Variants in ACYP2 observed in about 807,000 individuals in gnomAD.
ACYP2 encodes the protein acylphosphatase 2.
A neutral mutation model predicts 11.2 loss-of-function variants in ACYP2; 12 were observed. That is an observed-to-expected ratio of 1.08 (90% CI 0.69 to 1.74). ACYP2 has a LOEUF of 1.74. Ranked by LOEUF, ACYP2 falls within the 40% of genes most tolerant of loss-of-function variation. The probability of loss-of-function intolerance (pLI) is 0.00; values close to 1 mark genes in which losing one functional copy is unlikely to be tolerated. For missense variants in ACYP2, 134 were observed against 101.9 expected (o/e 1.31, Z -1.35); for synonymous variants, 43 against 32.2 (o/e 1.33, Z -1.13).
intron 2 of ACYP2, among the ~76,000 whole-genome samples, chr2:54,005,780 TCTC>T (rs1673034693): frequency 6.6e-6 from 1 of 152,232 alleles, no homozygotes; most frequent in East Asian, 1.9e-4. Flanking sequence ...ACCTTGTCCT[TCTC>T]CTTCAATATT....
At chr2:54,297,370 T>C (rs1689562491) in intron 6 of ACYP2, among the ~76,000 whole-genome samples, 1 of 152,114 alleles carries the variant, frequency 6.6e-6, no homozygotes, top group Non-Finnish European at 1.5e-5. Context: ...TGGTGGCTCA[T>C]TCCTGTAGTC....
intron 6 of ACYP2, among the ~76,000 whole-genome samples, chr2:54,196,151 A>G (rs1009245295): frequency 2.0e-5 from 3 of 152,122 alleles, no homozygotes; most frequent in African/African-American, 7.2e-5. Flanking sequence ...AAAGGGCTGA[A>G]TGTGTATTAA....
In ACYP2 at chr2:54,236,128, G is replaced by T. The variant is rs939017029; in HGVS notation, c.405-68560G>T. ...TTTGTTTTTTGTTTTTTGAGACAGGGTCTCACCATGTTGCCCAGGCTGGTC... is the reference window on the plus strand; with the variant it reads ...TTTGTTTTTTGTTTTTTGAGACAGGTTCTCACCATGTTGCCCAGGCTGGTC... On this transcript the variant is annotated intron_variant, in intron 6 of 6. Transcript: ENST00000607452. Among the ~76,000 whole-genome samples the T allele has an allele frequency of 2.6e-5, 4 of 151,738 alleles. No homozygotes were observed. The South Asian group carries it at 8.3e-4, about 32-fold the overall frequency.
Position 54,097,889 on chromosome 2 carries a change from C to CA in ACYP2, c.278-37564_278-37563insA, listed in dbSNP as rs565670528. On this transcript the variant is annotated intron_variant, in intron 4 of 6. Transcript: ENST00000607452. ...TTCTCTTTCTCTCTCTCTCTCTCCC[C>CA]TCCCTCCCTCCTTCCTTCCTTTCTT... 1.7e-3 allele frequency among the ~76,000 whole-genome samples: 215 copies of CA among 128,920 alleles called. 3 individuals carry two copies. Among genetic ancestry groups the CA allele is most frequent in the African/African-American group, 5.2e-3 (195 of 37,814 alleles). 84.6% of individuals were successfully genotyped at this position (128,920 alleles called of 152,430 possible).
chr2:54,028,104 A>G (rs1352311071), intron 2 of ACYP2, among the ~76,000 whole-genome samples: 1 of 151,998 alleles, frequency 6.6e-6, no homozygotes, highest in Non-Finnish European at 1.5e-5. Context: ...TGGCCTCCCA[A>G]AGTGCTGGGA....
At chr2:54,304,338 T>C (rs555489368) in intron 6 of ACYP2, among the ~76,000 whole-genome samples, 1 of 152,228 alleles carries the variant, frequency 6.6e-6, no homozygotes, top group South Asian at 2.1e-4. Flanking sequence ...GAATTGTTTT[T>C]ATTACTAAGC....
chr2:54,217,686 A>G (rs1685615828), intron 6 of ACYP2, among the ~76,000 whole-genome samples: 1 of 152,116 alleles, frequency 6.6e-6, no homozygotes, highest in Non-Finnish European at 1.5e-5. Context: ...GAGTTTCACT[A>G]TTAATTATTT....
chr2:54,179,356 G>T (rs1683608137), intron 6 of ACYP2, among the ~76,000 whole-genome samples: 1 of 152,156 alleles, frequency 6.6e-6, no homozygotes, highest in Non-Finnish European at 1.5e-5. Flanking sequence ...TCTACTTGGA[G>T]ATAGCATCAG....
At chr2:54,123,199 C>A (rs1211431449) in intron 4 of ACYP2, 2 of 395,900 alleles carry the variant, frequency 5.1e-6, no homozygotes, top group Non-Finnish European at 8.9e-6. Flanking sequence ...GATACGCCTC[C>A]TCACAGAAGG....
chr2:54,301,698 T>A (rs912100611), intron 6 of ACYP2, among the ~76,000 whole-genome samples: 7 of 152,114 alleles, frequency 4.6e-5, no homozygotes, highest in African/African-American at 1.4e-4. Flanking sequence ...TACATACATA[T>A]ATTTCACACT....
At chr2:54,299,094 T>G (rs1016965077) in intron 6 of ACYP2, among the ~76,000 whole-genome samples, 2 of 152,142 alleles carry the variant, frequency 1.3e-5, no homozygotes, top group African/African-American at 2.4e-5. Flanking sequence ...AATGATGTAG[T>G]GCTGAAGACA....
intron 6 of ACYP2, among the ~76,000 whole-genome samples, chr2:54,227,597 C>G (rs188632829): frequency 1.2e-3 from 184 of 151,556 alleles, no homozygotes; most frequent in Middle Eastern, 0.01. Flanking sequence ...GCACTCCACC[C>G]TGGCAACAGA....
chr2:54,041,067 TTTTTC>T (rs994501203), intron 2 of ACYP2, among the ~76,000 whole-genome samples: 8 of 151,852 alleles, frequency 5.3e-5, no homozygotes, highest in Admixed American at 4.6e-4. Flanking sequence ...TTCTTTTCTT[TTTTTC>T]TTTTCTTTTC....
chr2:54,094,428 C>A (rs1305535968), intron 4 of ACYP2, among the ~76,000 whole-genome samples: 3 of 151,882 alleles, frequency 2.0e-5, no homozygotes, highest in African/African-American at 7.3e-5. Flanking sequence ...CGGGGTTTCA[C>A]ATGTTTGCCA....
intron 4 of ACYP2, among the ~76,000 whole-genome samples, chr2:54,096,308 A>G (rs1348120983): frequency 1.5e-5 from 2 of 133,680 alleles, no homozygotes; most frequent in Non-Finnish European, 3.2e-5. Context: ...CACTTCCTAG[A>G]TGGGATGGCG....
chr2:54,206,892 G>A (rs1007636617), intron 6 of ACYP2, among the ~76,000 whole-genome samples: 1 of 152,084 alleles, frequency 6.6e-6, no homozygotes, highest in Non-Finnish European at 1.5e-5. Context: ...TTTGATGGTA[G>A]CCAATGTTTT....
At position 54,135,112 on chromosome 2, in the gene ACYP2, C is replaced by G. The variant is rs539127783; in HGVS notation, c.278-341C>G. On this transcript the variant is annotated intron_variant, in intron 4 of 6. Coordinates refer to ENST00000607452, the MANE Select transcript of ACYP2 (RefSeq NM_001320586.2). ...TCATCATTAAGTAAAATAAGGGTTA[C>G]TCGAACACAAGCACTGCAGTACCAC... Among the ~76,000 whole-genome samples, 5 of 152,244 alleles carry G rather than the reference C, an allele frequency of 3.3e-5. No homozygotes were observed. The South Asian group carries it at 1.0e-3, about 32-fold the overall frequency.
At chr2:54,182,166 T>A (rs1683768383) in intron 6 of ACYP2, among the ~76,000 whole-genome samples, 2 of 150,834 alleles carry the variant, frequency 1.3e-5, no homozygotes, top group Non-Finnish European at 2.9e-5. Flanking sequence ...TTCAAGTGAT[T>A]CTCCTGCCTC....
rs144969079 is a variant in ACYP2, at chr2:54,100,592, A to G, written c.278-34861A>G. On this transcript the variant is annotated intron_variant, in intron 4 of 6. Transcript: ENST00000607452. The stretch of plus-strand genomic sequence containing the variant: ...CCAAAGTTCTGGGATTATAGGGACG[A>G]GTCACCACACCCACCCGAGATCCTC... Among the ~76,000 whole-genome samples, 227 of 152,164 alleles carry G rather than the reference A, an allele frequency of 1.5e-3. 3 individuals are homozygous for G. The highest frequency in any genetic ancestry group is 0.014 in the South Asian group (69 of 4,810).
Sources: gnomAD v4.1 joint callset for allele counts (sites outside exome capture counted in the v4.1 genomes callset) on GRCh38, gnomAD v4.1.1 for gene constraint, MANE v1.5 for transcripts, NCBI Gene and HGNC (gene_info 2026-07-23, HGNC 2026-07-21) for gene names.